Variants in FCN1 observed in about 807,000 individuals in gnomAD.
FCN1 encodes ficolin 1, also known as ficolin-1.
Under a neutral mutation model 35.6 loss-of-function variants are expected in FCN1, and 42 were observed. That is an observed-to-expected ratio of 1.18 (90% confidence interval 0.92 to 1.53). The LOEUF (loss-of-function observed/expected upper bound fraction) is 1.53, where lower values mean the gene tolerates loss of function less well. Among genes scored for constraint, FCN1 ranks in the 40% most tolerant of loss-of-function variants. The pLI, the probability that FCN1 is intolerant of heterozygous loss-of-function variation, is 0.00. For synonymous variants in FCN1, 179 were observed against 169.8 expected (o/e 1.05, Z -0.42); for missense variants, 439 against 428.4 (o/e 1.02, Z -0.22).
At chr9:134,911,310 C>T in intron 7 of FCN1, 43 bp from the exon 8 acceptor site, 1 of 1,577,658 alleles carries the variant, frequency 6.3e-7, no homozygotes. Flanking sequence ...TAAGATCTTT[C>T]TGTCACCAGG....
Position 134,906,679 on chromosome 9 carries a change from A to G in FCN1, c.*3119T>C, listed in dbSNP as rs1392336006. 1.3e-5 allele frequency: 2 copies of G among 152,190 alleles called. No homozygotes were observed. The highest frequency in any genetic ancestry group is 4.8e-5 in the African/African-American group (2 of 41,438). 9.4% of individuals were successfully genotyped at this position (152,190 alleles called of 1,614,324 possible). A position where few individuals can be genotyped will look rare whatever the true frequency, so the allele number is the denominator to read the frequency against. On this transcript the variant is annotated 3_prime_UTR_variant, in exon 9 of 9. Coordinates refer to ENST00000371806, the MANE Select transcript of FCN1 (RefSeq NM_002003.5). Reference sequence around the variant, plus strand: ...GATGATTTTGATTAGTTAGTTCCACATTTTATATTGGATTTGTGAGATTCT... The same window carrying G: ...GATGATTTTGATTAGTTAGTTCCACGTTTTATATTGGATTTGTGAGATTCT...
At chr9:134,916,240 G>T in intron 2 of FCN1, 108 bp downstream of exon 2, 1 of 869,034 alleles carries the variant, frequency 1.2e-6, no homozygotes, top group Non-Finnish European at 1.9e-6. Flanking sequence ...CCAGGCTCTT[G>T]ATCTAGGAAC....
Position 134,905,907 on chromosome 9 carries a change from T to TC in FCN1, c.*3890dup, listed in dbSNP as rs1830948861. 1.1e-5 allele frequency: 1 copy of TC among 90,588 alleles called. No homozygotes were observed. Among genetic ancestry groups the TC allele is most frequent in the Admixed American group, 1.0e-4 (1 of 10,042 alleles). The allele number at this position is 90,588 out of a possible 1,614,324, so 5.6% of individuals were successfully genotyped here. On this transcript the variant is annotated 3_prime_UTR_variant, in exon 9 of 9. Coordinates refer to ENST00000371806, the MANE Select transcript of FCN1 (RefSeq NM_002003.5). ...TTCTTCTTCTTCTTCTTCTTCTTCTTCTTCTTCTTCTTCTTCTCCCTCTCC... is the reference window on the plus strand; with the variant it reads ...TTCTTCTTCTTCTTCTTCTTCTTCTTCCTTCTTCTTCTTCTTCTCCCTCTCC...
Position 134,916,470 on chromosome 9 carries a change from A to G in FCN1, c.104-9T>C. 2 of 1,612,478 alleles carry G rather than the reference A, an allele frequency of 1.2e-6. No individual in the cohort carries two copies. The highest frequency in any genetic ancestry group is 1.7e-6 in the Non-Finnish European group (2 of 1,178,470). ...GCCCACCACCTTCACCTCTGCAGAG[A>G]AACACAGGTGCCCACTCAGTGCCTG... is the stretch of plus-strand genomic sequence containing the variant. On this transcript the variant is annotated splice_polypyrimidine_tract_variant and intron_variant, in intron 1 of 8. Transcript: ENST00000371806.
rs1397273530 is a variant in FCN1, at chr9:134,906,819, T to A, written c.*2979A>T. The A allele has an allele frequency of 6.6e-6, 1 of 152,142 alleles. No homozygotes were observed. The highest frequency in any genetic ancestry group is 1.5e-5 in the Non-Finnish European group (1 of 68,034). 9.4% of individuals were successfully genotyped at this position (152,142 alleles called of 1,614,324 possible). ...GGCACAGTGTCTCACGCCTGTAATC[T>A]CAGCAATTTGGGAGGCAGAGGCGGG... On this transcript the variant is annotated 3_prime_UTR_variant, in exon 9 of 9. Transcript: ENST00000371806.
rs944152976 is a variant in FCN1, at chr9:134,908,279, A to G, written c.*1519T>C. The stretch of plus-strand genomic sequence containing the variant: ...TCTCATACCTTTTTTTATTTAACTG[A>G]GCTGCTCTAATTCTTTTATTATTTG... On this transcript the variant is annotated 3_prime_UTR_variant, in exon 9 of 9. Transcript: ENST00000371806. 2.0e-5 allele frequency: 3 copies of G among 151,994 alleles called. No individual in the cohort carries two copies. Among genetic ancestry groups the G allele is most frequent in the Non-Finnish European group, 2.9e-5 (2 of 68,020 alleles). 9.4% of individuals were successfully genotyped at this position (151,994 alleles called of 1,614,324 possible).
chr9:134,913,657 GC>G (rs1470356017), intron 4 of FCN1, 44 bp from the exon 5 acceptor site: 1 of 1,539,456 alleles, frequency 6.5e-7, no homozygotes, highest in South Asian at 1.2e-5. Context: ...TGAAATCAGA[GC>G]CTTTGTCCTG....
chr9:134,914,447 T>C (rs1285676870), intron 3 of FCN1, 27 bp from the exon 4 acceptor site: 1 of 1,610,408 alleles, frequency 6.2e-7, no homozygotes, highest in Non-Finnish European at 8.5e-7. Flanking sequence ...GATAATGAGC[T>C]TTTGACCCCA....
rs1188971344 is a variant in FCN1 at position 134,907,241 on chromosome 9, G to C, written c.*2557C>G. ...GTACTATCCCAATAGTGGATTTTGT[G>C]ATGGACTAGAGATTGTGGCAGGGGC... On this transcript the variant is annotated 3_prime_UTR_variant, in exon 9 of 9. Transcript: ENST00000371806. 6.6e-6 allele frequency: 1 copy of C among 152,180 alleles called. No homozygotes were observed. 9.4% of individuals were successfully genotyped at this position (152,180 alleles called of 1,614,324 possible).
intron 8 of FCN1, 110 bp from the exon 9 acceptor site, chr9:134,910,155 G>A: frequency 9.6e-7 from 1 of 1,039,076 alleles, no homozygotes; most frequent in Non-Finnish European, 1.5e-6. Flanking sequence ...AGCGACGCAT[G>A]AGCCGAGCTA....
Position 134,904,849 on chromosome 9 carries a change from A to AAAT in FCN1, c.*4946_*4948dup, listed in dbSNP as rs924498015. 1.3e-5 allele frequency among the ~76,000 whole-genome samples: 2 copies of AAAT among 152,090 alleles called. No homozygotes were observed. The highest frequency in any genetic ancestry group is 6.6e-5 in the Admixed American group (1 of 15,252). On this transcript the variant is annotated 3_prime_UTR_variant, in exon 9 of 9. Coordinates refer to ENST00000371806, the MANE Select transcript of FCN1 (RefSeq NM_002003.5). ...CAGCAAGAAGATGATCTCACACCAA[A>AAAT]AATAATAATAATAATAAAATAGAAG...
Position 134,908,469 on chromosome 9 carries a change from G to C in FCN1, c.*1329C>G, listed in dbSNP as rs951044260. On this transcript the variant is annotated 3_prime_UTR_variant, in exon 9 of 9. Coordinates refer to ENST00000371806, the MANE Select transcript of FCN1 (RefSeq NM_002003.5). ...CTTCCATGGCAAAAGAGACTTTGCT[G>C]ATGTGGTTAGGGATAGAGACCTGGA... 1 of 152,214 alleles carries C rather than the reference G, an allele frequency of 6.6e-6. No individual in the cohort carries two copies. Among genetic ancestry groups the C allele is most frequent in the Non-Finnish European group, 1.5e-5 (1 of 68,062 alleles). The allele number at this position is 152,214 out of a possible 1,614,324, so 9.4% of individuals were successfully genotyped here.
intron 2 of FCN1, among the ~76,000 whole-genome samples, chr9:134,916,127 A>G (rs905484569): frequency 5.9e-5 from 9 of 152,236 alleles, no homozygotes; most frequent in African/African-American, 1.9e-4. Context: ...AAGCATGTCC[A>G]AATGTGAGCT....
chr9:134,916,606 T>G, intron 1 of FCN1, 145 bp from the exon 2 acceptor site: 1 of 802,150 alleles, frequency 1.2e-6, no homozygotes, highest in Non-Finnish European at 2.1e-6. Context: ...AGCTCTGGCT[T>G]TGGAGGCCAC....
At chr9:134,914,869 A>G in intron 2 of FCN1, 60 bp from the exon 3 acceptor site, 1 of 1,404,208 alleles carries the variant, frequency 7.1e-7, no homozygotes, top group Non-Finnish European at 1.0e-6. Flanking sequence ...CTCCCTGGAA[A>G]TCTTTGCCCC....
Position 134,906,800 on chromosome 9 carries a change from G to A in FCN1, c.*2998C>T, listed in dbSNP as rs1387877278. On this transcript the variant is annotated 3_prime_UTR_variant, in exon 9 of 9. Coordinates refer to ENST00000371806, the MANE Select transcript of FCN1 (RefSeq NM_002003.5). ...AAAAGGCATATTTTGGCCAGGCACA[G>A]TGTCTCACGCCTGTAATCTCAGCAA... 6.6e-6 allele frequency: 1 copy of A among 152,208 alleles called. No individual in the cohort carries two copies. Among genetic ancestry groups the A allele is most frequent in the Non-Finnish European group, 1.5e-5 (1 of 68,044 alleles). 9.4% of individuals were successfully genotyped at this position (152,208 alleles called of 1,614,324 possible). A position where few individuals can be genotyped will look rare whatever the true frequency, so the allele number is the denominator to read the frequency against.
At position 134,914,770 on chromosome 9, in the gene FCN1, G is replaced by A; in HGVS notation, c.257C>T (p.Pro86Leu). 1 of 1,612,582 alleles carries A rather than the reference G, an allele frequency of 6.2e-7. No homozygotes were observed. Among genetic ancestry groups the A allele is most frequent in the Non-Finnish European group, 8.5e-7 (1 of 1,179,180 alleles). The change falls in exon 3 of 9, where the codon CCA (proline) becomes CTA (leucine). Residue 86 changes from proline (P) to leucine (L), a missense_variant. By Grantham distance (98) the Pro-to-Leu change is moderately conservative. Coordinates refer to ENST00000371806, the MANE Select transcript of FCN1 (RefSeq NM_002003.5). ...GLPGAPGKAG[P>L]VGPKGDRGEK... is the part of the protein sequence containing the mutation. ...CCCCTGGTTACCTTTGGGCCCCACT[G>A]GTCCTGCCTTTCCAGGGGCTCCAGG... is the stretch of plus-strand genomic sequence containing the variant.
intron 1 of FCN1, among the ~76,000 whole-genome samples, chr9:134,917,080 C>G (rs1831101080): frequency 6.6e-6 from 1 of 152,240 alleles, no homozygotes; most frequent in Non-Finnish European, 1.5e-5. Flanking sequence ...GCTAAGGGCG[C>G]TCTTAGAGAC....
intron 2 of FCN1, among the ~76,000 whole-genome samples, chr9:134,915,541 C>T (rs192047655): frequency 3.9e-5 from 6 of 152,276 alleles, no homozygotes; most frequent in East Asian, 1.9e-4. Flanking sequence ...GGATCGGGAC[C>T]GCACTCTCAG....
Sources: allele counts gnomAD v4.1 joint callset (sites outside exome capture counted in the v4.1 genomes callset), GRCh38; gene constraint gnomAD v4.1.1; transcripts MANE v1.5; gene names NCBI Gene and HGNC (gene_info 2026-07-23, HGNC 2026-07-21).